EHMT1: variants seen among roughly 807,000 people sequenced by gnomAD.
EHMT1 encodes euchromatic histone lysine methyltransferase 1.
Under a neutral mutation model 147.2 loss-of-function variants are expected in EHMT1, and 15 were observed. The ratio of observed to expected loss-of-function variants is 0.10; its 90% CI spans 0.07 to 0.16. The LOEUF (loss-of-function observed/expected upper bound fraction) is 0.16. Among genes scored for constraint, EHMT1 ranks in the 10% least tolerant of loss-of-function variants. The pLI is 1.00. For missense variants in EHMT1, 1,587 were observed against 1,772.4 expected, an observed-to-expected ratio of 0.90 and a Z score of 1.88; for synonymous variants, 795 against 709.6, an observed-to-expected ratio of 1.12 and a Z score of -1.91.
At chr9:137,628,974 T>C (rs1395072841) in intron 1 of EHMT1, among the ~76,000 whole-genome samples, 2 of 152,210 alleles carry the variant, frequency 1.3e-5, no homozygotes, top group African/African-American at 4.8e-5. Context: ...ATTTTTTTTT[T>C]CAATCATTTC....
chr9:137,674,452 C>A (rs561185496), intron 1 of EHMT1, among the ~76,000 whole-genome samples: 1 of 152,348 alleles, frequency 6.6e-6, no homozygotes, highest in South Asian at 2.1e-4. Context: ...GAGAATCTCA[C>A]TGTTGGCCAG....
chr9:137,622,835 AG>A (rs1192530506), intron 1 of EHMT1, among the ~76,000 whole-genome samples: 1 of 149,888 alleles, frequency 6.7e-6, no homozygotes, highest in Non-Finnish European at 1.5e-5. Context: ...TGATCCCAGG[AG>A]GCCAAGGCTG....
intron 1 of EHMT1, chr9:137,650,813 CAT>C (rs1937722467): frequency 1.3e-5 from 2 of 151,984 alleles, no homozygotes; most frequent in African/African-American, 4.8e-5. Context: ...GCCACAGGCA[CAT>C]GTCACCACAC....
chr9:137,728,852 G>A (rs1946851531), intron 4 of EHMT1, among the ~76,000 whole-genome samples: 1 of 152,220 alleles, frequency 6.6e-6, no homozygotes, highest in African/African-American at 2.4e-5. Context: ...TTTGTAGGTG[G>A]AGTGCCTTTG....
At position 137,752,374 on chromosome 9, in the gene EHMT1, G is replaced by GGGA. The variant is rs1949038066; in HGVS notation, c.1224_1226dup (p.Glu409dup). The GGGA allele has an allele frequency of 1.9e-6, 3 of 1,614,212 alleles. No homozygotes were observed. The highest frequency in any genetic ancestry group is 1.1e-5 in the South Asian group (1 of 91,068). ...GAGGAGCAGGAGTCCGTGGACACCG[G>GGGA]GGAGGAGGAGGAAGGCGGTGACGAG... On this transcript the variant is annotated inframe_insertion, in exon 7 of 27. Coordinates refer to ENST00000460843, the MANE Select transcript of EHMT1 (RefSeq NM_024757.5).
chr9:137,741,135 G>T (rs1347493805), intron 4 of EHMT1, among the ~76,000 whole-genome samples: 1 of 152,018 alleles, frequency 6.6e-6, no homozygotes, highest in African/African-American at 2.4e-5. Flanking sequence ...CGCCACCTTG[G>T]CCGGCTAATT....
rs368978243 is a variant in EHMT1, at chr9:137,676,758, G to A, written c.22-34209G>A. Among the ~76,000 whole-genome samples the A allele has an allele frequency of 1.8e-4, 28 of 152,352 alleles. No individual in the cohort carries two copies. In the East Asian group the frequency reaches 5.4e-3, roughly 29 times the overall value. ...GGAGCCCACATGCGCACTGGGGGAA[G>A]TGGGTGGGGTCACGGAATTCCGCCT... On this transcript the variant is annotated intron_variant, in intron 1 of 26. Transcript: ENST00000460843.
At chr9:137,735,228 G>A (rs936591613) in intron 4 of EHMT1, among the ~76,000 whole-genome samples, 2 of 152,190 alleles carry the variant, frequency 1.3e-5, no homozygotes, top group Admixed American at 1.3e-4. Flanking sequence ...GAATAAAGAT[G>A]TAGTTTTGTG....
intron 1 of EHMT1, among the ~76,000 whole-genome samples, chr9:137,709,478 G>A (rs777108128): frequency 1.2e-4 from 19 of 152,102 alleles, no homozygotes; most frequent in Admixed American, 8.5e-4. Flanking sequence ...AGTTAGGTCC[G>A]GTGTTACCAA....
chr9:137,810,205 G>A (rs1439577969), intron 18 of EHMT1, among the ~76,000 whole-genome samples: 1 of 146,556 alleles, frequency 6.8e-6, no homozygotes, highest in African/African-American at 2.5e-5. Flanking sequence ...GTGGACCGTC[G>A]GTGATGGGTC....
chr9:137,656,986 C>T (rs1253947752), intron 1 of EHMT1, among the ~76,000 whole-genome samples: 1 of 152,152 alleles, frequency 6.6e-6, no homozygotes, highest in Non-Finnish European at 1.5e-5. Flanking sequence ...AGTGATTTGC[C>T]TGCCTCAGCC....
At chr9:137,805,605 A>G (rs891180471) in intron 18 of EHMT1, among the ~76,000 whole-genome samples, 1 of 151,816 alleles carries the variant, frequency 6.6e-6, no homozygotes, top group Non-Finnish European at 1.5e-5. Context: ...TATTTTACAC[A>G]TATATATGTT....
Position 137,798,869 on chromosome 9 carries a change from G to A in EHMT1, c.2562G>A (p.Val854=), listed in dbSNP as rs759367783. The A allele has an allele frequency of 6.2e-7, 1 of 1,614,174 alleles. No individual in the cohort carries two copies. The highest frequency in any genetic ancestry group is 1.1e-5 in the South Asian group (1 of 91,086). ...HLAAKKGHYE[V]VQYLLSNGQM... ...CTGCCAAGAAAGGCCACTACGAAGT[G>A]GTCCAGTACCTGCTTTCAAATGGAC... The change falls in exon 17 of 27, where the codon GTG becomes GTA. Residue 854 remains valine (V), a synonymous_variant. Transcript: ENST00000460843.
intron 14 of EHMT1, among the ~76,000 whole-genome samples, chr9:137,781,071 G>GACGTGTGGTGACGACGCCGA (rs1564748214): frequency 2.3e-3 from 29 of 12,718 alleles, no homozygotes; most frequent in East Asian, 0.01. Context: ...GATGACGCCG[G>GACGTGTGGTGACGACGCCGA]GATGTGTGGT....
intron 16 of EHMT1, among the ~76,000 whole-genome samples, chr9:137,792,608 G>C (rs1564771378): frequency 6.6e-6 from 1 of 152,230 alleles, no homozygotes; most frequent in African/African-American, 2.4e-5. Context: ...GGGAGGCTGA[G>C]GCAGGAGAAT....
At chr9:137,766,991 ATAT>A (rs916774858) in intron 10 of EHMT1, among the ~76,000 whole-genome samples, 9 of 152,028 alleles carry the variant, frequency 5.9e-5, no homozygotes, top group African/African-American at 2.2e-4. Context: ...CTAAGTTTTA[ATAT>A]TTTTATTTTG....
At chr9:137,634,963 G>A (rs1366656282) in intron 1 of EHMT1, among the ~76,000 whole-genome samples, 6 of 144,414 alleles carry the variant, frequency 4.2e-5, no homozygotes, top group East Asian at 2.1e-4. Context: ...CTCGTGATCC[G>A]CCGGCCTCGG....
intron 6 of EHMT1, 68 bp from the exon 7 acceptor site, chr9:137,752,263 G>A: frequency 6.4e-7 from 1 of 1,554,980 alleles, no homozygotes; most frequent in Non-Finnish European, 8.8e-7. Flanking sequence ...TCCGTCATCT[G>A]CCACTAAAGG....
At chr9:137,647,419 G>A (rs903714324) in intron 1 of EHMT1, among the ~76,000 whole-genome samples, 4 of 152,152 alleles carry the variant, frequency 2.6e-5, no homozygotes, top group Non-Finnish European at 5.9e-5. Flanking sequence ...CCCAGGAGAC[G>A]CTGTCGGCTC....
Sources: gnomAD v4.1 joint callset for allele counts (sites outside exome capture counted in the v4.1 genomes callset) on GRCh38, gnomAD v4.1.1 for gene constraint, MANE v1.5 for transcripts, NCBI Gene and HGNC (gene_info 2026-07-23, HGNC 2026-07-21) for gene names.